The following NAV3 variants were observed in gnomAD, a reference collection of about 807,000 sequenced individuals.
NAV3 encodes pore membrane and/or filament interacting like protein 1.
NAV3 carries 87 observed loss-of-function variants against 244.7 expected under a neutral mutation model. The ratio of observed to expected loss-of-function variants is 0.36; its 90% CI spans 0.30 to 0.42. The LOEUF (loss-of-function observed/expected upper bound fraction) is 0.42, where lower values mean the gene tolerates loss of function less well. NAV3 is among the 20% of genes least tolerant of loss of function. NAV3 has a pLI of 1.00. For missense variants in NAV3, 2,663 were observed against 2,893.3 expected (o/e 0.92, Z 1.83); for synonymous variants, 1,126 against 1,042.2 (o/e 1.08, Z -1.55).
intron 2 of NAV3, among the ~76,000 whole-genome samples, chr12:77,632,321 A>G (rs1546058): frequency 0.9 from 136,486 of 152,194 alleles, 61,250 homozygotes; most frequent in East Asian, 0.98. Context: ...GTAAACACAT[A>G]CCCAAGACTG....
At chr12:77,857,838 T>C (rs1037476460) in intron 1 of NAV3, among the ~76,000 whole-genome samples, 2 of 151,960 alleles carry the variant, frequency 1.3e-5, no homozygotes, top group Admixed American at 1.3e-4. Flanking sequence ...CAAACACATT[T>C]ATATTTACAA....
intron 8 of NAV3, among the ~76,000 whole-genome samples, chr12:78,018,962 C>G (rs561881564): frequency 1.4e-4 from 21 of 152,108 alleles, no homozygotes; most frequent in Admixed American, 4.6e-4. Context: ...GAGGGACTGT[C>G]AGTAGATGGG....
intron 2 of NAV3, among the ~76,000 whole-genome samples, chr12:77,790,851 G>C (rs1486944217): frequency 1.3e-5 from 2 of 152,106 alleles, no homozygotes; most frequent in African/African-American, 4.8e-5. Context: ...ACTTCACTCA[G>C]GGCGACCTTT....
chr12:77,732,313 A>G (rs1416737977), intron 2 of NAV3, among the ~76,000 whole-genome samples: 1 of 151,956 alleles, frequency 6.6e-6, no homozygotes. Context: ...GAAGGGAGGT[A>G]GACATTACTG....
At chr12:78,115,987 C>CTT (rs1955357718) in intron 12 of NAV3, among the ~76,000 whole-genome samples, 1 of 152,158 alleles carries the variant, frequency 6.6e-6, no homozygotes, top group Non-Finnish European at 1.5e-5. Context: ...AGCTATTTCT[C>CTT]TTATATTTCA....
At chr12:77,951,699 G>T (rs975747384) in intron 3 of NAV3, among the ~76,000 whole-genome samples, 14 of 152,072 alleles carry the variant, frequency 9.2e-5, no homozygotes, top group African/African-American at 3.1e-4. Flanking sequence ...ACTGGATTAA[G>T]AAAATGTGGC....
intron 2 of NAV3, among the ~76,000 whole-genome samples, chr12:77,706,584 G>T (rs1356229670): frequency 3.3e-5 from 5 of 151,096 alleles, no homozygotes; most frequent in Admixed American, 2.6e-4. Context: ...TAAAATATCT[G>T]GGAAAGGCTG....
chr12:78,024,323 C>A (rs1877641238), intron 9 of NAV3, among the ~76,000 whole-genome samples: 1 of 152,184 alleles, frequency 6.6e-6, no homozygotes, highest in Non-Finnish European at 1.5e-5. Flanking sequence ...AGAAAACACA[C>A]CGCATGTCAA....
intron 1 of NAV3, among the ~76,000 whole-genome samples, chr12:77,918,804 C>G (rs1396400659): frequency 6.6e-6 from 1 of 152,026 alleles, no homozygotes; most frequent in East Asian, 1.9e-4. Context: ...CCAAAGCCAT[C>G]GTACAAGTGA....
chr12:77,802,610 A>T (rs1211222383), intron 2 of NAV3, among the ~76,000 whole-genome samples: 3 of 152,180 alleles, frequency 2.0e-5, no homozygotes, highest in African/African-American at 7.2e-5. Flanking sequence ...TTTCAGGTAA[A>T]CTATATACAC....
At chr12:77,960,827 TG>T in intron 3 of NAV3, among the ~76,000 whole-genome samples, 1 of 145,816 alleles carries the variant, frequency 6.9e-6, no homozygotes, top group South Asian at 2.2e-4. Flanking sequence ...CATACATGTA[TG>T]GTATGTGTAA....
chr12:77,829,887 T>A (rs1188571364), upstream of NAV3, among the ~76,000 whole-genome samples: 3 of 152,218 alleles, frequency 2.0e-5, no homozygotes, highest in Non-Finnish European at 4.4e-5. Flanking sequence ...AGACATTTTC[T>A]ATAAAAAATG....
intron 2 of NAV3, among the ~76,000 whole-genome samples, chr12:77,604,243 G>A (rs986011583): frequency 6.6e-6 from 1 of 151,996 alleles, no homozygotes; most frequent in Non-Finnish European, 1.5e-5. Context: ...CAAGCATTCA[G>A]GACAGACTGG....
At chr12:77,813,687 A>C (rs1872401075) in intron 2 of NAV3, among the ~76,000 whole-genome samples, 1 of 152,314 alleles carries the variant, frequency 6.6e-6, no homozygotes, top group South Asian at 2.1e-4. Context: ...TGTGTATCTA[A>C]GAAAAAGTTG....
At chr12:77,665,143 T>C (rs1339199155) in intron 2 of NAV3, among the ~76,000 whole-genome samples, 2 of 152,228 alleles carry the variant, frequency 1.3e-5, no homozygotes, top group East Asian at 3.8e-4. Flanking sequence ...ACTTGACCTT[T>C]TGTAGTTTAT....
intron 22 of NAV3, among the ~76,000 whole-genome samples, chr12:78,157,303 CTT>C (rs1957343999): frequency 6.6e-6 from 1 of 151,234 alleles, no homozygotes; most frequent in African/African-American, 2.4e-5. Flanking sequence ...CCAGCCAACA[CTT>C]TGCGGGGCCA....
intron 2 of NAV3, among the ~76,000 whole-genome samples, chr12:77,802,107 A>G (rs957269494): frequency 4.6e-5 from 7 of 152,238 alleles, no homozygotes; most frequent in Non-Finnish European, 8.8e-5. Context: ...AAAAGAAGCT[A>G]TCTTCTAGAA....
At chr12:77,579,199 T>C (rs1453186894) in intron 2 of NAV3, among the ~76,000 whole-genome samples, 1 of 152,218 alleles carries the variant, frequency 6.6e-6, no homozygotes, top group African/African-American at 2.4e-5. Flanking sequence ...AAAGCTGGAA[T>C]CACCACTTCA....
At chr12:78,080,311 T>G (rs1953283378) in intron 12 of NAV3, among the ~76,000 whole-genome samples, 2 of 152,200 alleles carry the variant, frequency 1.3e-5, no homozygotes, top group Admixed American at 1.3e-4. Context: ...GGTCAAGCAT[T>G]CTCTCGTTTT....
Sources: gnomAD v4.1 joint callset for allele counts (sites outside exome capture counted in the v4.1 genomes callset) on GRCh38, gnomAD v4.1.1 for gene constraint, MANE v1.5 for transcripts, NCBI Gene and HGNC (gene_info 2026-07-23, HGNC 2026-07-21) for gene names.